RNF157: variants seen among roughly 807,000 people sequenced by gnomAD.
The protein encoded by RNF157 is ring finger protein 157, also known as E3 ubiquitin ligase RNF157.
A neutral mutation model predicts 88.3 loss-of-function variants in RNF157; 55 were observed. The ratio of observed to expected loss-of-function variants is 0.62; its 90% CI spans 0.50 to 0.78. The LOEUF (loss-of-function observed/expected upper bound fraction) is 0.78. Among genes scored for constraint, RNF157 ranks in the 30% least tolerant of loss-of-function variants. The pLI, the probability that RNF157 is intolerant of heterozygous loss-of-function variation, is 0.00. For missense variants in RNF157, 788 were observed against 860.8 expected (o/e 0.92, Z 1.06); for synonymous variants, 334 against 341.2 (o/e 0.98, Z 0.23).
In RNF157 at chr17:76,152,473, G is replaced by A. The variant is rs769565682; in HGVS notation, c.1811-8C>T. On this transcript the variant is annotated splice_region_variant and splice_polypyrimidine_tract_variant and intron_variant, in intron 17 of 18. Transcript: ENST00000269391. ...ATGCGCACGTCCTCTGGCCTGTAAC[G>A]GAGTTAATGCAGTTAGAGAGGGGCT... The A allele has an allele frequency of 5.7e-6, 9 of 1,575,488 alleles. No homozygotes were observed. Among genetic ancestry groups the A allele is most frequent in the South Asian group, 1.1e-5 (1 of 90,284 alleles).
intron 2 of RNF157, among the ~76,000 whole-genome samples, chr17:76,197,956 C>CT (rs1484115356): frequency 6.6e-6 from 1 of 152,176 alleles, no homozygotes; most frequent in Non-Finnish European, 1.5e-5. Flanking sequence ...AGCCCTCTCC[C>CT]TTGAAGATGG....
intron 2 of RNF157, among the ~76,000 whole-genome samples, chr17:76,200,463 A>T (rs950124462): frequency 1.2e-4 from 18 of 152,228 alleles, no homozygotes; most frequent in African/African-American, 4.3e-4. Context: ...TAAGCCAGTC[A>T]CAAAAGAACA....
In RNF157 at chr17:76,185,127, A is replaced by G. The variant is rs571116089; in HGVS notation, c.208-11337T>C. 2.2e-4 allele frequency among the ~76,000 whole-genome samples: 34 copies of G among 152,306 alleles called. 1 individual carries two copies. The East Asian group carries it at 6.2e-3, about 28-fold the overall frequency. On this transcript the variant is annotated intron_variant, in intron 2 of 18. Transcript: ENST00000269391. ...AGGTCTTGACTCATTGTTTGAGAAT[A>G]CTGAGACTGGGCAACATGCTCAGTC...
At position 76,155,277 on chromosome 17, in the gene RNF157, A is replaced by T. The variant is rs1183679899; in HGVS notation, c.1739T>A (p.Leu580His). Residue 580 changes from leucine to histidine, a missense_variant, in exon 16 of 19, where the codon CTC becomes CAC. Transcript: ENST00000269391. ...AESPDSNFAG[L>H]PAGEQDAEGN... is the part of the protein sequence containing the mutation. The stretch of plus-strand genomic sequence containing the variant: ...CTCTGCATCCTGCTCTCCAGCTGGG[A>T]GGCCAGCAAAGTTGCTGTCTGGAGA... 1.9e-6 allele frequency: 3 copies of T among 1,614,072 alleles called. No individual in the cohort carries two copies.
intron 1 of RNF157, among the ~76,000 whole-genome samples, chr17:76,221,809 TC>T (rs2069987921): frequency 6.6e-6 from 1 of 152,208 alleles, no homozygotes; most frequent in South Asian, 2.1e-4. Context: ...CCGACATATG[TC>T]CTTACAACGG....
At chr17:76,198,845 T>C (rs1375612805) in intron 2 of RNF157, among the ~76,000 whole-genome samples, 2 of 152,196 alleles carry the variant, frequency 1.3e-5, no homozygotes, top group African/African-American at 4.8e-5. Context: ...ATCTCAGTCT[T>C]ATCTCTTGCA....
intron 2 of RNF157, among the ~76,000 whole-genome samples, chr17:76,210,434 C>CA (rs755573593): frequency 3.5e-4 from 53 of 151,110 alleles, no homozygotes; most frequent in Non-Finnish European, 3.0e-4. Flanking sequence ...ACTAAAAATA[C>CA]AAAAAATTAG....
In RNF157 at chr17:76,161,631, A is replaced by G; in HGVS notation, c.969T>C (p.Leu323=). ...ATTTTTTCCTCATGGCTCGGATCTGAAGCAGTGCCCGGAAGGCTGTGAAGG... is the reference window on the plus strand; with the variant it reads ...ATTTTTTCCTCATGGCTCGGATCTGGAGCAGTGCCCGGAAGGCTGTGAAGG... ...PICRLPFRAL[L]QIRAMRKKLG... is the part of the protein sequence containing the mutation. The change falls in exon 11 of 19, where the codon CTT becomes CTC. Residue 323 remains leucine, a synonymous_variant. Coordinates refer to ENST00000269391, the MANE Select transcript of RNF157 (RefSeq NM_052916.3). The surrounding 1 kb of genome is among the most constrained non-coding windows in gnomAD (Gnocchi z 4.6). The G allele has an allele frequency of 6.2e-7, 1 of 1,614,050 alleles. No individual in the cohort carries two copies. The highest frequency in any genetic ancestry group is 8.5e-7 in the Non-Finnish European group (1 of 1,179,958).
chr17:76,231,561 G>C (rs1251118191), intron 1 of RNF157, among the ~76,000 whole-genome samples: 2 of 152,112 alleles, frequency 1.3e-5, no homozygotes, highest in Non-Finnish European at 2.9e-5. Context: ...GCCTCCCAAA[G>C]TGGAAGGATT....
At chr17:76,219,796 G>A (rs948726495) in intron 1 of RNF157, among the ~76,000 whole-genome samples, 6 of 151,914 alleles carry the variant, frequency 3.9e-5, no homozygotes, top group East Asian at 1.9e-4. Context: ...AGAAAACTGC[G>A]AAAAATATAT....
chr17:76,224,288 G>T (rs1194053447), intron 1 of RNF157, among the ~76,000 whole-genome samples: 1 of 151,996 alleles, frequency 6.6e-6, no homozygotes, highest in Non-Finnish European at 1.5e-5. Context: ...TTGAGCAATG[G>T]GTTCCCTAAA....
chr17:76,235,234 G>A (rs1306425153), intron 1 of RNF157, among the ~76,000 whole-genome samples: 1 of 142,968 alleles, frequency 7.0e-6, no homozygotes, highest in Non-Finnish European at 1.5e-5. Flanking sequence ...GTCTCGCTCT[G>A]TCGCCCAGGC....
At chr17:76,223,676 C>T (rs1342368826) in intron 1 of RNF157, among the ~76,000 whole-genome samples, 1 of 152,080 alleles carries the variant, frequency 6.6e-6, no homozygotes, top group Non-Finnish European at 1.5e-5. Context: ...TCCACATAAA[C>T]GTTAAATATT....
intron 1 of RNF157, among the ~76,000 whole-genome samples, chr17:76,231,944 A>C (rs1379714888): frequency 2.0e-5 from 3 of 152,188 alleles, no homozygotes; most frequent in African/African-American, 2.4e-5. Context: ...TCTGCTTTCT[A>C]TCTCTATAAA....
In RNF157 at chr17:76,162,769, A is replaced by G. The variant is rs1177143419; in HGVS notation, c.721-146T>C. 7 of 534,384 alleles carry G rather than the reference A, an allele frequency of 1.3e-5. No homozygotes were observed. In the Admixed American group the frequency reaches 2.6e-4, roughly 20 times the overall value. 33.1% of individuals were successfully genotyped at this position (534,384 alleles called of 1,614,324 possible). ...AATCAAAGGCCTGGATAAGTAAAAG[A>G]TGCTTTTATTTACTTATGTTTTCTC... On this transcript the variant is annotated intron_variant, in intron 8 of 18. Coordinates refer to ENST00000269391, the MANE Select transcript of RNF157 (RefSeq NM_052916.3).
chr17:76,227,117 G>GT (rs533845540), intron 1 of RNF157, among the ~76,000 whole-genome samples: 7,039 of 138,030 alleles, frequency 0.051, 504 homozygotes, highest in African/African-American at 0.16. Context: ...CTCTTTTTTT[G>GT]TTTTTTTTTT....
intron 1 of RNF157, among the ~76,000 whole-genome samples, chr17:76,236,072 C>T (rs1417301284): frequency 6.6e-6 from 1 of 152,038 alleles, no homozygotes; most frequent in Non-Finnish European, 1.5e-5. Flanking sequence ...AGGAGATTAT[C>T]CTTGATTATG....
At chr17:76,216,916 AAAC>A (rs1334920756) in intron 1 of RNF157, among the ~76,000 whole-genome samples, 4 of 149,472 alleles carry the variant, frequency 2.7e-5, no homozygotes, top group Non-Finnish European at 6.0e-5. Flanking sequence ...CAAAAACAAA[AAAC>A]AAACAAACAA....
intron 2 of RNF157, among the ~76,000 whole-genome samples, chr17:76,189,388 T>C (rs1290942199): frequency 1.3e-5 from 2 of 152,226 alleles, no homozygotes; most frequent in Admixed American, 1.3e-4. Context: ...GCTCAGGATC[T>C]ATGAGCAGAA....
Sources: allele counts gnomAD v4.1 joint callset (sites outside exome capture counted in the v4.1 genomes callset), GRCh38; gene constraint gnomAD v4.1.1; non-coding constraint Gnocchi (gnomAD v3.1); transcripts MANE v1.5; gene names NCBI Gene and HGNC (gene_info 2026-07-23, HGNC 2026-07-21).